The following SLC39A9 variants were observed in gnomAD, a reference collection of about 807,000 sequenced individuals.
SLC39A9 encodes zinc transporter ZIP9.
Under a neutral mutation model 28.4 loss-of-function variants are expected in SLC39A9, and 14 were observed. That is an observed-to-expected ratio of 0.49 (90% CI 0.33 to 0.77). SLC39A9 has a LOEUF of 0.77. Ranked by LOEUF, SLC39A9 falls within the 30% of genes least tolerant of loss-of-function variation. The pLI is 0.02. For missense variants in SLC39A9, 283 were observed against 381.1 expected (o/e 0.74, Z 2.14); for synonymous variants, 119 against 149.6 (o/e 0.80, Z 1.49).
chr14:69,444,521 A>G (rs866521710), intron 3 of SLC39A9, among the ~76,000 whole-genome samples: 4 of 152,332 alleles, frequency 2.6e-5, no homozygotes, highest in Admixed American at 6.5e-5. Context: ...CGATTGGCAA[A>G]GCTGTGATAG....
At chr14:69,455,008 G>A in intron 5 of SLC39A9, 111 bp downstream of exon 5, 1 of 758,076 alleles carries the variant, frequency 1.3e-6, no homozygotes, top group Non-Finnish European at 2.1e-6. Flanking sequence ...TTTCATAATT[G>A]CTATTCATTT....
intron 3 of SLC39A9, among the ~76,000 whole-genome samples, chr14:69,447,857 G>A (rs1006433187): frequency 2.7e-5 from 4 of 150,726 alleles, no homozygotes; most frequent in Middle Eastern, 3.2e-3. Context: ...AGGTTACAGT[G>A]AGCCAATATT....
intron 2 of SLC39A9, chr14:69,428,953 C>G (rs1280721974): frequency 6.6e-6 from 1 of 152,302 alleles, no homozygotes; most frequent in African/African-American, 2.4e-5. Context: ...TCAGAGTCCT[C>G]CACCACGACA....
intron 6 of SLC39A9, among the ~76,000 whole-genome samples, chr14:69,458,089 CAT>C (rs1885950431): frequency 6.6e-6 from 1 of 152,138 alleles, no homozygotes; most frequent in Non-Finnish European, 1.5e-5. Flanking sequence ...ATTCATGAAT[CAT>C]AATGTCACTT....
intron 5 of SLC39A9, among the ~76,000 whole-genome samples, 160 bp from the exon 6 acceptor site, chr14:69,455,572 G>GA (rs1885818987): frequency 6.6e-6 from 1 of 152,038 alleles, no homozygotes; most frequent in Non-Finnish European, 1.5e-5. Context: ...CACCCACCTC[G>GA]ACCTCCCAAA....
At chr14:69,440,102 A>G (rs1330709154) in intron 2 of SLC39A9, among the ~76,000 whole-genome samples, 1 of 152,098 alleles carries the variant, frequency 6.6e-6, no homozygotes, top group Non-Finnish European at 1.5e-5. Flanking sequence ...TGCTAAATGA[A>G]GAGGGGAAGG....
chr14:69,440,091 G>A (rs1461924371), intron 2 of SLC39A9, among the ~76,000 whole-genome samples: 1 of 152,138 alleles, frequency 6.6e-6, no homozygotes, highest in Non-Finnish European at 1.5e-5. Flanking sequence ...GGAAGGAGAA[G>A]TGCTAAATGA....
intron 2 of SLC39A9, among the ~76,000 whole-genome samples, chr14:69,424,638 C>T (rs76259961): frequency 0.12 from 18,718 of 151,894 alleles, 1,379 homozygotes; most frequent in Middle Eastern, 0.24. Context: ...ATTAAAGAGG[C>T]CTTTCCTGAC....
intron 1 of SLC39A9, among the ~76,000 whole-genome samples, chr14:69,423,321 A>T (rs1884001565): frequency 6.6e-6 from 1 of 152,114 alleles, no homozygotes; most frequent in Non-Finnish European, 1.5e-5. Flanking sequence ...GATGAAATTT[A>T]TAGTTTATTT....
chr14:69,433,585 T>C (rs908690572), intron 2 of SLC39A9, among the ~76,000 whole-genome samples: 1 of 152,180 alleles, frequency 6.6e-6, no homozygotes, highest in African/African-American at 2.4e-5. Context: ...TGATGGAAGG[T>C]TATTAACTAT....
Position 69,459,102 on chromosome 14 carries a change from A to T in SLC39A9, c.*509A>T. The T allele has an allele frequency of 1.0e-6, 1 of 986,530 alleles. No individual in the cohort carries two copies. Among genetic ancestry groups the T allele is most frequent in the Non-Finnish European group, 1.2e-6 (1 of 830,402 alleles). 61.1% of individuals were successfully genotyped at this position (986,530 alleles called of 1,614,324 possible). A position where few individuals can be genotyped will look rare whatever the true frequency, so the allele number is the denominator to read the frequency against. On this transcript the variant is annotated 3_prime_UTR_variant, in exon 7 of 7. Coordinates refer to ENST00000336643, the MANE Select transcript of SLC39A9 (RefSeq NM_018375.5). ...AAGGTCATAGCACCCACTCACTTAG[A>T]TGCTAAAGGTGATTCTAGTTAATCT... is the stretch of plus-strand genomic sequence containing the variant.
intron 1 of SLC39A9, among the ~76,000 whole-genome samples, chr14:69,401,736 G>C (rs986920567): frequency 5.9e-5 from 9 of 152,212 alleles, no homozygotes; most frequent in African/African-American, 2.2e-4. Context: ...GTCTTTTCCA[G>C]CTGTAGGTCT....
chr14:69,427,509 A>G (rs1332266849), intron 2 of SLC39A9, among the ~76,000 whole-genome samples: 14 of 152,238 alleles, frequency 9.2e-5, no homozygotes, highest in Non-Finnish European at 8.8e-5. Context: ...ACAAATGCAT[A>G]GAGAGTGATG....
At chr14:69,413,598 A>G (rs1246380479) in intron 1 of SLC39A9, among the ~76,000 whole-genome samples, 1 of 152,018 alleles carries the variant, frequency 6.6e-6, no homozygotes, top group African/African-American at 2.4e-5. Context: ...GTCATGAACC[A>G]TTAGAAACTG....
At chr14:69,416,502 G>A (rs1346106929) in intron 1 of SLC39A9, among the ~76,000 whole-genome samples, 1 of 152,202 alleles carries the variant, frequency 6.6e-6, no homozygotes, top group African/African-American at 2.4e-5. Context: ...TGGGATGGCT[G>A]GGTCAAATGG....
chr14:69,446,717 AC>A (rs1885321644), intron 3 of SLC39A9, among the ~76,000 whole-genome samples: 1 of 151,892 alleles, frequency 6.6e-6, no homozygotes, highest in African/African-American at 2.4e-5. Flanking sequence ...TACTAAAAAT[AC>A]AAAAATTAGC....
At chr14:69,410,206 C>G (rs552979587) in intron 1 of SLC39A9, among the ~76,000 whole-genome samples, 1 of 152,288 alleles carries the variant, frequency 6.6e-6, no homozygotes, top group Admixed American at 6.5e-5. Flanking sequence ...TAATAAAGTA[C>G]TTGCTTGTTA....
intron 1 of SLC39A9, among the ~76,000 whole-genome samples, chr14:69,423,035 A>T (rs1883987509): frequency 6.6e-6 from 1 of 152,162 alleles, no homozygotes; most frequent in South Asian, 2.1e-4. Context: ...GTCTAAATAC[A>T]TTTTTTTCAT....
At chr14:69,440,077 C>T (rs534094232) in intron 2 of SLC39A9, among the ~76,000 whole-genome samples, 2 of 152,150 alleles carry the variant, frequency 1.3e-5, no homozygotes, top group South Asian at 2.1e-4. Flanking sequence ...TTCACAAGGC[C>T]GCGGGAAGGA....
Sources: gnomAD v4.1 joint callset for allele counts (sites outside exome capture counted in the v4.1 genomes callset) on GRCh38, gnomAD v4.1.1 for gene constraint, MANE v1.5 for transcripts, NCBI Gene and HGNC (gene_info 2026-07-23, HGNC 2026-07-21) for gene names.